The following CARMIL1 variants were observed in gnomAD, a reference collection of about 807,000 sequenced individuals.
CARMIL1 encodes F-actin-uncapping protein LRRC16A.
Under a neutral mutation model 177.1 loss-of-function variants are expected in CARMIL1, and 90 were observed. That is an observed-to-expected ratio of 0.51 (90% CI 0.43 to 0.61). The LOEUF (loss-of-function observed/expected upper bound fraction) is 0.61, where lower values mean the gene tolerates loss of function less well. Ranked by LOEUF, CARMIL1 falls within the 20% of genes least tolerant of loss-of-function variation. The pLI is 0.00. For synonymous variants in CARMIL1, 577 were observed against 606.2 expected, an observed-to-expected ratio of 0.95 and a Z score of 0.71; for missense variants, 1,380 against 1,667.0, an observed-to-expected ratio of 0.83 and a Z score of 3.00.
chr6:25,495,070 T>A (rs2151006103), intron 15 of CARMIL1, 41 bp from the exon 16 acceptor site: 1 of 1,108,702 alleles, frequency 9.0e-7, no homozygotes, highest in East Asian at 2.4e-5. Context: ...ATATGTTTGA[T>A]GAAGGTGTAA....
intron 2 of CARMIL1, among the ~76,000 whole-genome samples, chr6:25,411,749 T>A (rs1214465332): frequency 6.6e-6 from 1 of 152,216 alleles, no homozygotes; most frequent in African/African-American, 2.4e-5. Context: ...AGATTTCCTC[T>A]GAAACTAAAC....
In CARMIL1 at chr6:25,485,754, C is replaced by A. The variant is rs547136313; in HGVS notation, c.962-2728C>A. On this transcript the variant is annotated intron_variant, in intron 12 of 36. Transcript: ENST00000329474. ...CTGGCCTGAATAATTTCAAATTGCCCTAAGACAAAAATATCTTGAAATGTT... is the reference window on the plus strand; with the variant it reads ...CTGGCCTGAATAATTTCAAATTGCCATAAGACAAAAATATCTTGAAATGTT... Among the ~76,000 whole-genome samples the A allele has an allele frequency of 1.8e-4, 27 of 152,186 alleles. No individual in the cohort carries two copies. In the South Asian group the frequency reaches 5.2e-3, roughly 29 times the overall value.
intron 2 of CARMIL1, among the ~76,000 whole-genome samples, chr6:25,386,634 C>T (rs77141910): frequency 0.15 from 23,015 of 151,934 alleles, 1,872 homozygotes; most frequent in Non-Finnish European, 0.18. Context: ...CCGCCCAGGA[C>T]GTTGAAGAAA....
rs1352878020 is a variant in CARMIL1, at chr6:25,554,045, T to C, written c.2541T>C (p.Asp847=). Reference sequence around the variant, plus strand: ...TGACAGTGGCCTCGTTCCTGTCTGATAGAATTGTGGATGAAATCCTGGATG... The same window carrying C: ...TGACAGTGGCCTCGTTCCTGTCTGACAGAATTGTGGATGAAATCCTGGATG... The part of the protein sequence containing the change: ...VKLTVASFLS[D]RIVDEILDAL... The change falls in exon 28 of 37, where the codon GAT becomes GAC. Residue 847 remains aspartate, a synonymous_variant. Coordinates refer to ENST00000329474, the MANE Select transcript of CARMIL1 (RefSeq NM_017640.6). This position sits in a 1 kb window ranked among gnomAD's most constrained non-coding sequence, Gnocchi z 4.6. 1.2e-6 allele frequency: 2 copies of C among 1,602,736 alleles called. No individual in the cohort carries two copies. The highest frequency in any genetic ancestry group is 1.7e-6 in the Non-Finnish European group (2 of 1,174,508).
chr6:25,388,445 C>T (rs1792403353), intron 2 of CARMIL1, among the ~76,000 whole-genome samples: 1 of 152,144 alleles, frequency 6.6e-6, no homozygotes, highest in East Asian at 1.9e-4. Context: ...CAGCTCACTG[C>T]AACCTCCGCC....
chr6:25,560,869 C>G (rs1811050063), intron 29 of CARMIL1, among the ~76,000 whole-genome samples: 1 of 152,122 alleles, frequency 6.6e-6, no homozygotes, highest in African/African-American at 2.4e-5. Flanking sequence ...TAATGGTAGC[C>G]TGTAGTTTTT....
At chr6:25,381,182 G>C (rs1047756556) in intron 2 of CARMIL1, among the ~76,000 whole-genome samples, 3 of 152,082 alleles carry the variant, frequency 2.0e-5, no homozygotes, top group African/African-American at 7.2e-5. Context: ...TTATAAACAA[G>C]CACCACCAAA....
At chr6:25,592,283 T>C (rs1275683478) in intron 31 of CARMIL1, among the ~76,000 whole-genome samples, 2 of 152,202 alleles carry the variant, frequency 1.3e-5, no homozygotes, top group African/African-American at 4.8e-5. Flanking sequence ...TAATAACGTG[T>C]AAAACACATG....
At position 25,471,190 on chromosome 6, in the gene CARMIL1, A is replaced by G. The variant is rs1057102149; in HGVS notation, c.712A>G (p.Ile238Val). 3 of 1,612,918 alleles carry G rather than the reference A, an allele frequency of 1.9e-6. No homozygotes were observed. Among genetic ancestry groups the G allele is most frequent in the African/African-American group, 1.3e-5 (1 of 75,006 alleles). The part of the protein sequence containing the change: ...LKLSTDVCEQ[I>V]LRVVSRSNRL... Reference sequence around the variant, plus strand: ...ACAGTCCACTGATGTCTGTGAACAGATCTTGAGGGTGGTGAGTAGGTCCAA... The same window carrying G: ...ACAGTCCACTGATGTCTGTGAACAGGTCTTGAGGGTGGTGAGTAGGTCCAA... The change falls in exon 10 of 37, where the codon ATC becomes GTC. Residue 238 changes from isoleucine (I) to valine (V), a missense_variant. By Grantham distance (29) the Ile-to-Val change is conservative. Transcript: ENST00000329474.
At chr6:25,381,035 A>G (rs766860384) in intron 2 of CARMIL1, among the ~76,000 whole-genome samples, 12 of 152,168 alleles carry the variant, frequency 7.9e-5, no homozygotes, top group African/African-American at 1.2e-4. Context: ...GAATTTATAA[A>G]TGGTGAGAAT....
At chr6:25,467,795 AT>A (rs1800753404) in intron 9 of CARMIL1, among the ~76,000 whole-genome samples, 1 of 152,176 alleles carries the variant, frequency 6.6e-6, no homozygotes, top group Non-Finnish European at 1.5e-5. Context: ...GTTTGCATAT[AT>A]TTTTAATATT....
intron 4 of CARMIL1, among the ~76,000 whole-genome samples, chr6:25,430,222 C>CTT (rs34183473): frequency 0.12 from 16,116 of 138,654 alleles, 931 homozygotes; most frequent in East Asian, 0.2. Context: ...ATTGGTTTGT[C>CTT]TTTTTTTTTT....
intron 11 of CARMIL1, among the ~76,000 whole-genome samples, chr6:25,478,175 C>T (rs1355220395): frequency 6.6e-6 from 1 of 151,864 alleles, no homozygotes; most frequent in African/African-American, 2.4e-5. Flanking sequence ...ATATTTTTTC[C>T]CAGCTATTTG....
intron 2 of CARMIL1, among the ~76,000 whole-genome samples, chr6:25,409,397 A>C (rs894175785): frequency 1.2e-4 from 19 of 152,320 alleles, no homozygotes; most frequent in African/African-American, 4.6e-4. Flanking sequence ...TATGCTCAGC[A>C]CTTGATAGGT....
chr6:25,417,476 A>G (rs1399102345), intron 2 of CARMIL1, among the ~76,000 whole-genome samples: 1 of 152,198 alleles, frequency 6.6e-6, no homozygotes, highest in African/African-American at 2.4e-5. Context: ...TCAGCTCTCC[A>G]GGGCATACTT....
At chr6:25,472,324 G>C (rs994466903) in intron 10 of CARMIL1, 103 bp from the exon 11 acceptor site, 46 of 745,038 alleles carry the variant, frequency 6.2e-5, no homozygotes, top group Middle Eastern at 2.4e-4. Flanking sequence ...ATATTGTAAG[G>C]GAGGTTTCTC....
chr6:25,450,122 C>A, intron 6 of CARMIL1, 127 bp downstream of exon 6: 1 of 830,050 alleles, frequency 1.2e-6, no homozygotes, highest in Non-Finnish European at 1.9e-6. Flanking sequence ...TAGCAGCGCA[C>A]AGACTTTAGA....
chr6:25,536,520 T>C (rs968754726), intron 24 of CARMIL1, among the ~76,000 whole-genome samples: 1 of 152,178 alleles, frequency 6.6e-6, no homozygotes. Flanking sequence ...CTGTTTTTAT[T>C]ATACATAAAC....
intron 2 of CARMIL1, among the ~76,000 whole-genome samples, chr6:25,391,027 G>C (rs1350548434): frequency 6.6e-6 from 1 of 152,164 alleles, no homozygotes; most frequent in Non-Finnish European, 1.5e-5. Context: ...ATATTTGTGT[G>C]TTTTCAAGCT....
Sources: allele counts gnomAD v4.1 joint callset (sites outside exome capture counted in the v4.1 genomes callset), GRCh38; gene constraint gnomAD v4.1.1; non-coding constraint Gnocchi (gnomAD v3.1); transcripts MANE v1.5; gene names NCBI Gene and HGNC (gene_info 2026-07-23, HGNC 2026-07-21).